Variants in RALYL observed in about 807,000 individuals in gnomAD.
RALYL encodes the protein RNA-binding Raly-like protein.
Under a neutral mutation model 35.1 loss-of-function variants are expected in RALYL, and 29 were observed. The observed-to-expected ratio is 0.83, with a 90% CI of 0.61 to 1.13. The LOEUF (loss-of-function observed/expected upper bound fraction) is 1.13. Among genes scored for constraint, RALYL ranks in the 50% most tolerant of loss-of-function variants. RALYL has a pLI of 0.00. For synonymous variants in RALYL, 120 were observed against 127.6 expected (o/e 0.94, Z 0.40); for missense variants, 359 against 360.4 (o/e 1.00, Z 0.03).
intron 2 of RALYL, among the ~76,000 whole-genome samples, chr8:84,535,384 G>A (rs1250586446): frequency 6.6e-6 from 1 of 150,652 alleles, no homozygotes; most frequent in East Asian, 2.0e-4. Flanking sequence ...CATTGATTTT[G>A]CTTTGTTTGT....
At chr8:84,796,092 T>C (rs1563622607) in intron 3 of RALYL, among the ~76,000 whole-genome samples, 1 of 152,202 alleles carries the variant, frequency 6.6e-6, no homozygotes, top group Non-Finnish European at 1.5e-5. Context: ...TATCCAACTA[T>C]ATCTTGACCA....
intron 1 of RALYL, among the ~76,000 whole-genome samples, chr8:84,225,472 G>C (rs1823645534): frequency 6.6e-6 from 1 of 152,092 alleles, no homozygotes; most frequent in South Asian, 2.1e-4. Context: ...CTTGGCTCCT[G>C]CTTATCTCTC....
At chr8:84,368,139 T>A (rs1361474713) in intron 1 of RALYL, among the ~76,000 whole-genome samples, 2 of 152,152 alleles carry the variant, frequency 1.3e-5, no homozygotes, top group African/African-American at 4.8e-5. Flanking sequence ...CTGCTGAGAA[T>A]TTGTAACTGA....
Position 84,519,708 on chromosome 8 carries a change from T to C in RALYL, c.-23-9591T>C, listed in dbSNP as rs541848702. 3.4e-4 allele frequency among the ~76,000 whole-genome samples: 52 copies of C among 152,326 alleles called. 2 individuals are homozygous for C. In the South Asian group the frequency reaches 7.0e-3, roughly 21 times the overall value. Reference sequence around the variant, plus strand: ...CTTTTAAAATGAGAAATCTCCTAAATGGAACCCCTTTTAGCAATGTCTACA... The same window carrying C: ...CTTTTAAAATGAGAAATCTCCTAAACGGAACCCCTTTTAGCAATGTCTACA... On this transcript the variant is annotated intron_variant, in intron 1 of 8. Coordinates refer to ENST00000521268, the MANE Select transcript of RALYL (RefSeq NM_173848.7).
intron 2 of RALYL, among the ~76,000 whole-genome samples, chr8:84,549,782 C>T (rs375789474): frequency 6.6e-6 from 1 of 152,164 alleles, no homozygotes; most frequent in African/African-American, 2.4e-5. Context: ...CCCAGGAGGC[C>T]TGTCCAGTAA....
At chr8:84,666,903 T>C (rs1303508560) in intron 2 of RALYL, among the ~76,000 whole-genome samples, 1 of 152,090 alleles carries the variant, frequency 6.6e-6, no homozygotes, top group Admixed American at 6.6e-5. Context: ...ACTCTGGTGG[T>C]AGTTGCTAAT....
intron 1 of RALYL, among the ~76,000 whole-genome samples, chr8:84,248,685 G>A (rs1338848310): frequency 2.0e-5 from 3 of 151,954 alleles, no homozygotes; most frequent in African/African-American, 7.2e-5. Context: ...GATGCTATTG[G>A]ACATTTTGGG....
At chr8:84,289,042 G>C (rs867927611) in intron 1 of RALYL, among the ~76,000 whole-genome samples, 1 of 152,102 alleles carries the variant, frequency 6.6e-6, no homozygotes, top group South Asian at 2.1e-4. Context: ...CTGGAGACCA[G>C]AGGCCATCAG....
At chr8:84,740,493 T>A (rs917923295) in intron 2 of RALYL, among the ~76,000 whole-genome samples, 1 of 152,064 alleles carries the variant, frequency 6.6e-6, no homozygotes, top group African/African-American at 2.4e-5. Context: ...CTGTGAAAAG[T>A]CAGTCATTTA....
At chr8:84,189,942 C>T (rs1307336345) in intron 1 of RALYL, among the ~76,000 whole-genome samples, 3 of 152,262 alleles carry the variant, frequency 2.0e-5, no homozygotes, top group African/African-American at 4.8e-5. Context: ...CTCTTCAAGA[C>T]GGGTTTTCTG....
chr8:84,737,256 T>G (rs957159728), intron 2 of RALYL, among the ~76,000 whole-genome samples: 8 of 152,116 alleles, frequency 5.3e-5, no homozygotes, highest in African/African-American at 1.7e-4. Context: ...ACTTAAATTT[T>G]GTTGCAGTAA....
chr8:84,332,781 C>T (rs1847087085), intron 1 of RALYL, among the ~76,000 whole-genome samples: 1 of 152,084 alleles, frequency 6.6e-6, no homozygotes. Flanking sequence ...CAGATAGTGG[C>T]AGCAAAGATG....
chr8:84,623,589 C>T (rs1317911288), intron 2 of RALYL, among the ~76,000 whole-genome samples: 2 of 151,894 alleles, frequency 1.3e-5, no homozygotes, highest in East Asian at 3.9e-4. Context: ...AGGAAGTTGT[C>T]AATTGGGGTG....
At chr8:84,336,841 C>T (rs1471719669) in intron 1 of RALYL, among the ~76,000 whole-genome samples, 1 of 151,884 alleles carries the variant, frequency 6.6e-6, no homozygotes, top group Non-Finnish European at 1.5e-5. Flanking sequence ...CTATGATGCG[C>T]AATGTAGTGG....
chr8:84,429,919 G>A (rs977522432), intron 1 of RALYL, among the ~76,000 whole-genome samples: 8 of 151,312 alleles, frequency 5.3e-5, no homozygotes, highest in East Asian at 3.9e-4. Flanking sequence ...TAACTTATAC[G>A]TATTGCCCCT....
chr8:84,718,021 A>G (rs923613598), intron 2 of RALYL, among the ~76,000 whole-genome samples: 11 of 152,154 alleles, frequency 7.2e-5, no homozygotes, highest in African/African-American at 2.7e-4. Context: ...ACTATTATAA[A>G]GTGGTATGGC....
chr8:84,211,511 T>C (rs1247031789), intron 1 of RALYL, among the ~76,000 whole-genome samples: 1 of 152,128 alleles, frequency 6.6e-6, no homozygotes, highest in African/African-American at 2.4e-5. Context: ...TCCCATAATA[T>C]TTTTTATCAT....
At chr8:84,187,000 T>A (rs1262646633) in intron 1 of RALYL, among the ~76,000 whole-genome samples, 1 of 152,086 alleles carries the variant, frequency 6.6e-6, no homozygotes, top group African/African-American at 2.4e-5. Flanking sequence ...TTAGATCAAT[T>A]TAATTGTGCA....
At chr8:84,468,182 CA>C (rs1346250146) in intron 1 of RALYL, among the ~76,000 whole-genome samples, 1 of 151,678 alleles carries the variant, frequency 6.6e-6, no homozygotes, top group African/African-American at 2.4e-5. Context: ...TTGATCCTGT[CA>C]TTATGATTAT....
Sources: allele counts gnomAD v4.1 joint callset (sites outside exome capture counted in the v4.1 genomes callset), GRCh38; gene constraint gnomAD v4.1.1; transcripts MANE v1.5; gene names NCBI Gene and HGNC (gene_info 2026-07-23, HGNC 2026-07-21).